The following FBXW4 variants were observed in gnomAD, a reference collection of about 807,000 sequenced individuals.
The protein encoded by FBXW4 is F-box and WD repeat domain containing 4, also known as F-box/WD repeat-containing protein 4.
FBXW4 carries 40 observed loss-of-function variants against 61.8 expected under a neutral mutation model. The ratio of observed to expected loss-of-function variants is 0.65; its 90% CI spans 0.50 to 0.84. FBXW4 has a LOEUF of 0.84. Ranked by LOEUF, FBXW4 falls within the 40% of genes least tolerant of loss-of-function variation. The pLI is 0.00. For synonymous variants in FBXW4, 311 were observed against 313.8 expected (o/e 0.99, Z 0.10); for missense variants, 672 against 753.8 (o/e 0.89, Z 1.27).
intron 5 of FBXW4, among the ~76,000 whole-genome samples, chr10:101,643,836 G>A (rs2064073864): frequency 6.6e-6 from 1 of 152,224 alleles, no homozygotes; most frequent in Non-Finnish European, 1.5e-5. Context: ...CCCTAAGGGG[G>A]CCTGGGGTAG....
At chr10:101,636,187 TAAA>T (rs1210329345) in intron 5 of FBXW4, among the ~76,000 whole-genome samples, 2 of 151,714 alleles carry the variant, frequency 1.3e-5, no homozygotes, top group Non-Finnish European at 2.9e-5. Flanking sequence ...CCATCTCTGC[TAAA>T]AATACAAAAA....
At chr10:101,626,542 T>A (rs1589745206) in intron 5 of FBXW4, 2 of 151,924 alleles carry the variant, frequency 1.3e-5, no homozygotes, top group East Asian at 3.9e-4. Context: ...CAGGCTGGAG[T>A]GCAGTGGTGC....
chr10:101,681,260 C>T (rs2064471462), intron 1 of FBXW4, among the ~76,000 whole-genome samples: 1 of 151,698 alleles, frequency 6.6e-6, no homozygotes, highest in Admixed American at 6.6e-5. Context: ...TTGTAGTGGG[C>T]GTCTGCAATC....
intron 5 of FBXW4, among the ~76,000 whole-genome samples, chr10:101,645,014 G>A (rs889732072): frequency 3.9e-5 from 6 of 152,190 alleles, no homozygotes; most frequent in East Asian, 1.9e-4. Context: ...CTGTTTGCTC[G>A]GCATTGAGAT....
rs1008642214 is a variant in FBXW4, at chr10:101,673,173, C to T, written c.1008-126G>A. On this transcript the variant is annotated intron_variant, in intron 3 of 8. Coordinates refer to ENST00000331272, the MANE Select transcript of FBXW4 (RefSeq NM_022039.4). ...ATTTGCTAAGCATTAGACAATTCAG[C>T]CCAGTAAGGTGCTGACTTTCTAGAT... The T allele has an allele frequency of 1.7e-5, 20 of 1,201,116 alleles. 1 individual carries two copies. In the Admixed American group the frequency reaches 5.2e-4, roughly 31 times the overall value. The allele number at this position is 1,201,116 out of a possible 1,614,324, so 74.4% of individuals were successfully genotyped here. A position where few individuals can be genotyped will look rare whatever the true frequency, so the allele number is the denominator to read the frequency against.
chr10:101,682,800 T>A (rs964587133), intron 1 of FBXW4, among the ~76,000 whole-genome samples: 1 of 151,162 alleles, frequency 6.6e-6, no homozygotes, highest in Admixed American at 6.6e-5. Context: ...AATATCATAA[T>A]CAAAACACTT....
chr10:101,652,511 G>A (rs1270934109), intron 5 of FBXW4, among the ~76,000 whole-genome samples: 1 of 148,826 alleles, frequency 6.7e-6, no homozygotes. Context: ...AAATTACCAA[G>A]CCCAAAGTAG....
intron 5 of FBXW4, among the ~76,000 whole-genome samples, chr10:101,662,353 A>C (rs1215533296): frequency 6.6e-6 from 1 of 152,180 alleles, no homozygotes; most frequent in Non-Finnish European, 1.5e-5. Context: ...TGAAGCAAGA[A>C]GGGGCAGCTC....
intron 5 of FBXW4, chr10:101,659,496 A>G (rs1544720): frequency 1 from 928,761 of 929,470 alleles, 464,031 homozygotes; most frequent in East Asian, 1. Flanking sequence ...AGAGACCAGC[A>G]GTGGGAAAAC....
Position 101,673,379 on chromosome 10 carries a change from G to A in FBXW4, c.1007+109C>T. 7 of 1,252,206 alleles carry A rather than the reference G, an allele frequency of 5.6e-6. No homozygotes were observed. The South Asian group carries it at 9.7e-5, about 17-fold the overall frequency. 77.6% of individuals were successfully genotyped at this position (1,252,206 alleles called of 1,614,324 possible). A position where few individuals can be genotyped will look rare whatever the true frequency, so the allele number is the denominator to read the frequency against. ...TCTGCTTTAAATGGAAAACCCTTCTGGTCTCCCTCCTCATCCCTTTGGAGT... is the reference window on the plus strand; with the variant it reads ...TCTGCTTTAAATGGAAAACCCTTCTAGTCTCCCTCCTCATCCCTTTGGAGT... On this transcript the variant is annotated intron_variant, in intron 3 of 8. Coordinates refer to ENST00000331272, the MANE Select transcript of FBXW4 (RefSeq NM_022039.4).
Position 101,612,369 on chromosome 10 carries a change from A to G in FBXW4, c.1410T>C (p.Tyr470=), listed in dbSNP as rs35614606. 8,886 of 1,593,688 alleles carry G rather than the reference A, an allele frequency of 5.6e-3. 37 individuals carry two copies. The highest frequency in any genetic ancestry group is 5.6e-3 in the Non-Finnish European group (6,580 of 1,169,060). ...FTLLSCGYDT[Y]VRYWDLRTSV... ...TGGTGCGGAGGTCCCAGTAGCGAAC[A>G]TAGGTGTCATAGCCACAGGACAGCA... is the stretch of plus-strand genomic sequence containing the variant. Residue 470 remains tyrosine, a synonymous_variant, in exon 7 of 9, where the codon TAT becomes TAC. Transcript: ENST00000331272.
Position 101,656,056 on chromosome 10 carries a change from C to T in FBXW4, c.1235+11830G>A, listed in dbSNP as rs780452583. Among the ~76,000 whole-genome samples, 138 of 152,314 alleles carry T rather than the reference C, an allele frequency of 9.1e-4. 3 individuals are homozygous for T. Among genetic ancestry groups the T allele is most frequent in the Admixed American group, 6.9e-3 (105 of 15,304 alleles). ...TTCTTCAGCCAATGCATGTCACCTGCGCACTGAAACCCCACACAAAGGAAG... is the reference window on the plus strand; with the variant it reads ...TTCTTCAGCCAATGCATGTCACCTGTGCACTGAAACCCCACACAAAGGAAG... On this transcript the variant is annotated intron_variant, in intron 5 of 8. Coordinates refer to ENST00000331272, the MANE Select transcript of FBXW4 (RefSeq NM_022039.4).
At chr10:101,618,187 TC>T (rs1435241046) in intron 6 of FBXW4, among the ~76,000 whole-genome samples, 1 of 152,246 alleles carries the variant, frequency 6.6e-6, no homozygotes, top group East Asian at 1.9e-4. Flanking sequence ...CTCACTCATA[TC>T]CTGTGCTCAG....
intron 2 of FBXW4, 77 bp from the exon 3 acceptor site, chr10:101,673,750 G>A (rs2134895352): frequency 7.2e-7 from 1 of 1,384,188 alleles, no homozygotes; most frequent in African/African-American, 1.4e-5. Flanking sequence ...TGAAGAAGCT[G>A]ACCAATCCCC....
intron 1 of FBXW4, among the ~76,000 whole-genome samples, chr10:101,686,170 G>A (rs950817229): frequency 2.0e-5 from 3 of 152,116 alleles, no homozygotes; most frequent in Non-Finnish European, 2.9e-5. Flanking sequence ...TTCTGTATTT[G>A]CACGGCACTT....
intron 5 of FBXW4, among the ~76,000 whole-genome samples, chr10:101,641,177 G>T (rs770450679): frequency 1.3e-5 from 2 of 151,944 alleles, no homozygotes; most frequent in South Asian, 4.2e-4. Context: ...TTAAGAGATA[G>T]ATAATTTAAA....
At chr10:101,646,829 T>C (rs965466439) in intron 5 of FBXW4, among the ~76,000 whole-genome samples, 1 of 152,208 alleles carries the variant, frequency 6.6e-6, no homozygotes, top group African/African-American at 2.4e-5. Context: ...CCAATTAATT[T>C]CAAACCCAGG....
At chr10:101,672,847 A>G in intron 4 of FBXW4, 68 bp downstream of exon 4, 1 of 1,559,546 alleles carries the variant, frequency 6.4e-7, no homozygotes, top group Non-Finnish European at 8.7e-7. Context: ...CCTGAGACTC[A>G]GGGATCTATC....
rs2064647009 is a variant in FBXW4 at position 101,694,313 on chromosome 10, C to T, written c.725+68G>A. ...CGACCCTGGGCCGACCAGGCCGCGG[C>T]GCCCCGCCCTTTCCCGGGACGCGGG... On this transcript the variant is annotated intron_variant, in intron 1 of 8. Coordinates refer to ENST00000331272, the MANE Select transcript of FBXW4 (RefSeq NM_022039.4). The surrounding 1 kb of genome is among the most constrained non-coding windows in gnomAD (Gnocchi z 6.0). 2.3e-6 allele frequency: 3 copies of T among 1,314,348 alleles called. No individual in the cohort carries two copies. Among genetic ancestry groups the T allele is most frequent in the Non-Finnish European group, 1.9e-6 (2 of 1,030,374 alleles). The allele number at this position is 1,314,348 out of a possible 1,614,324, so 81.4% of individuals were successfully genotyped here.
Sources: gnomAD v4.1 joint callset for allele counts (sites outside exome capture counted in the v4.1 genomes callset) on GRCh38, gnomAD v4.1.1 for gene constraint, Gnocchi (gnomAD v3.1) non-coding constraint, MANE v1.5 for transcripts, NCBI Gene and HGNC (gene_info 2026-07-23, HGNC 2026-07-21) for gene names.